The following IQCM variants were observed in gnomAD, a reference collection of about 807,000 sequenced individuals.
IQCM encodes the protein IQ motif containing M.
A neutral mutation model predicts 57.6 loss-of-function variants in IQCM; 45 were observed. The observed-to-expected ratio is 0.78, with a 90% CI of 0.62 to 1.00. The LOEUF (loss-of-function observed/expected upper bound fraction) is 1.00. Among genes scored for constraint, IQCM ranks in the 50% least tolerant of loss-of-function variants. The pLI, the probability that IQCM is intolerant of heterozygous loss-of-function variation, is 0.00. For missense variants in IQCM, 468 were observed against 511.6 expected (o/e 0.91, Z 0.82); for synonymous variants, 148 against 158.9 (o/e 0.93, Z 0.51).
Position 149,748,024 on chromosome 4 carries a change from G to A in IQCM, c.-48-5285C>T, listed in dbSNP as rs140357327. Among the ~76,000 whole-genome samples the A allele has an allele frequency of 2.7e-3, 405 of 152,206 alleles. 3 individuals are homozygous for A. Among genetic ancestry groups the A allele is most frequent in the African/African-American group, 9.0e-3 (372 of 41,522 alleles). On this transcript the variant is annotated intron_variant, in intron 2 of 13. Coordinates refer to ENST00000636793, the MANE Select transcript of IQCM (RefSeq NM_001363507.2). ...AATTAACCTCTCTGAATCCTACCTC[G>A]TCTAGAAGCAAAAGATTTAAAATAG...
chr4:149,517,087 G>T (rs900158776), intron 12 of IQCM, among the ~76,000 whole-genome samples: 1 of 126,634 alleles, frequency 7.9e-6, no homozygotes, highest in Admixed American at 9.7e-5. Flanking sequence ...GACCCTTCAG[G>T]AATGAAGGTT....
At chr4:149,669,504 G>T (rs1761054959) in intron 7 of IQCM, among the ~76,000 whole-genome samples, 3 of 152,092 alleles carry the variant, frequency 2.0e-5, no homozygotes, top group African/African-American at 7.2e-5. Flanking sequence ...GTCAATTTTG[G>T]CTTTTGTTGC....
chr4:149,537,258 T>A (rs989133910), intron 12 of IQCM, among the ~76,000 whole-genome samples: 3 of 151,668 alleles, frequency 2.0e-5, no homozygotes, highest in African/African-American at 7.3e-5. Flanking sequence ...ATAGAGATTA[T>A]AAAGATAAAT....
chr4:149,789,875 G>T, intron 2 of IQCM: 1 of 178,078 alleles, frequency 5.6e-6, no homozygotes, highest in South Asian at 1.5e-4. Flanking sequence ...CTGCACTCCA[G>T]CCTGGGTGAC....
intron 8 of IQCM, among the ~76,000 whole-genome samples, chr4:149,603,520 T>G (rs554760587): frequency 5.7e-4 from 87 of 152,266 alleles, no homozygotes; most frequent in African/African-American, 1.9e-3. Context: ...TAGGATCCCC[T>G]AAGAGTCACA....
chr4:149,752,842 T>C (rs1014932729), intron 2 of IQCM, among the ~76,000 whole-genome samples: 4 of 152,116 alleles, frequency 2.6e-5, no homozygotes, highest in Non-Finnish European at 5.9e-5. Context: ...GAAATGCAAC[T>C]TCCCACTGGT....
In IQCM at chr4:149,481,701, G is replaced by GTTTTTTTTTTTTTT. The variant is rs57465501; in HGVS notation, c.1229-48158_1229-48145dup. Among the ~76,000 whole-genome samples, 180 of 51,512 alleles carry GTTTTTTTTTTTTTT rather than the reference G, an allele frequency of 3.5e-3. 16 individuals are homozygous for GTTTTTTTTTTTTTT. Among genetic ancestry groups the GTTTTTTTTTTTTTT allele is most frequent in the East Asian group, 5.3e-3 (10 of 1,882 alleles). 33.8% of individuals were successfully genotyped at this position (51,512 alleles called of 152,430 possible). A position where few individuals can be genotyped will look rare whatever the true frequency, so the allele number is the denominator to read the frequency against. ...CATGTAATGTGATTCTTCCAGTTTT[G>GTTTTTTTTTTTTTT]TTTTTTTTTTTTTTTTTTTTTGCTT... On this transcript the variant is annotated intron_variant, in intron 12 of 13. Transcript: ENST00000636793.
At chr4:149,676,703 A>G (rs964509127) in intron 7 of IQCM, among the ~76,000 whole-genome samples, 1 of 152,072 alleles carries the variant, frequency 6.6e-6, no homozygotes, top group African/African-American at 2.4e-5. Context: ...GCAAGGCTTC[A>G]AAAGGAAATA....
intron 13 of IQCM, among the ~76,000 whole-genome samples, chr4:149,355,835 G>T (rs1362278498): frequency 2.6e-5 from 4 of 152,062 alleles, no homozygotes; most frequent in African/African-American, 9.7e-5. Context: ...TTCCACAATG[G>T]TTGAACTAGT....
chr4:149,385,884 A>G (rs765605866), intron 13 of IQCM, among the ~76,000 whole-genome samples: 1 of 152,156 alleles, frequency 6.6e-6, no homozygotes, highest in Non-Finnish European at 1.5e-5. Flanking sequence ...CCTATCATAT[A>G]CTAAATGCTT....
chr4:149,675,064 T>C (rs1040979480), intron 7 of IQCM, among the ~76,000 whole-genome samples: 19 of 152,026 alleles, frequency 1.2e-4, no homozygotes, highest in Admixed American at 6.6e-5. Context: ...GGAGAATGTA[T>C]GTATTATGAT....
intron 12 of IQCM, among the ~76,000 whole-genome samples, chr4:149,475,095 C>T (rs1484651575): frequency 5.3e-5 from 8 of 152,108 alleles, no homozygotes; most frequent in East Asian, 1.9e-4. Context: ...GCTACTGTGT[C>T]GAAAATATTC....
At chr4:149,812,289 C>A (rs1774636885) in intron 2 of IQCM, among the ~76,000 whole-genome samples, 2 of 151,892 alleles carry the variant, frequency 1.3e-5, no homozygotes, top group Admixed American at 1.3e-4. Flanking sequence ...TGGAAGTGAC[C>A]CTTTTTAGAT....
chr4:149,616,965 T>A (rs1755845908), intron 8 of IQCM, among the ~76,000 whole-genome samples: 1 of 152,052 alleles, frequency 6.6e-6, no homozygotes, highest in Non-Finnish European at 1.5e-5. Flanking sequence ...GAACTTTTTT[T>A]TTTTTTTTTG....
intron 7 of IQCM, among the ~76,000 whole-genome samples, chr4:149,641,676 T>C (rs1482227267): frequency 6.6e-6 from 1 of 152,166 alleles, no homozygotes; most frequent in East Asian, 1.9e-4. Flanking sequence ...AATATTATTA[T>C]ATCAGAAAAT....
At chr4:149,563,965 A>T in intron 9 of IQCM, 75 bp from the exon 10 acceptor site, 1 of 634,854 alleles carries the variant, frequency 1.6e-6, no homozygotes, top group Non-Finnish European at 2.3e-6. Flanking sequence ...AAATTATTTC[A>T]ATGATGAATA....
intron 2 of IQCM, among the ~76,000 whole-genome samples, chr4:149,776,860 TA>T (rs200754413): frequency 6.6e-6 from 1 of 152,036 alleles, no homozygotes. Context: ...AAAATAATAA[TA>T]AAAAATCACT....
chr4:149,637,295 A>C (rs1038931433), intron 7 of IQCM, among the ~76,000 whole-genome samples: 1 of 152,156 alleles, frequency 6.6e-6, no homozygotes, highest in Non-Finnish European at 1.5e-5. Context: ...AATAGTTTCA[A>C]GACTTTGAGT....
chr4:149,570,495 A>G (rs1751051880), intron 9 of IQCM, among the ~76,000 whole-genome samples: 1 of 152,050 alleles, frequency 6.6e-6, no homozygotes, highest in Non-Finnish European at 1.5e-5. Flanking sequence ...TAAAAAGAGA[A>G]AGGGGGTGCT....
Sources: gnomAD v4.1 joint callset for allele counts (sites outside exome capture counted in the v4.1 genomes callset) on GRCh38, gnomAD v4.1.1 for gene constraint, MANE v1.5 for transcripts, NCBI Gene and HGNC (gene_info 2026-07-23, HGNC 2026-07-21) for gene names.